The following KDM6A variants were observed in gnomAD, a reference collection of about 807,000 sequenced individuals.
KDM6A encodes lysine-specific demethylase 6A.
KDM6A carries 11 observed loss-of-function variants against 117.6 expected under a neutral mutation model. The observed-to-expected ratio is 0.09, with a 90% CI of 0.06 to 0.15. The LOEUF (loss-of-function observed/expected upper bound fraction) is 0.15. Among genes scored for constraint, KDM6A ranks in the 10% least tolerant of loss-of-function variants. KDM6A has a pLI of 1.00. For missense variants in KDM6A, 799 were observed against 1,077.3 expected (o/e 0.74, Z 3.62); for synonymous variants, 384 against 396.1 (o/e 0.97, Z 0.36).
chrX:45,034,563 T>C (rs2147773977), intron 6 of KDM6A, among the ~76,000 whole-genome samples: 1 of 111,793 alleles, frequency 8.9e-6, no homozygotes, highest in South Asian at 3.7e-4. Context: ...ACCATTAGAC[T>C]TCTACTTGGA....
intron 2 of KDM6A, among the ~76,000 whole-genome samples, chrX:44,875,475 G>T (rs769285439): frequency 1.2e-3 from 128 of 110,889 alleles, no homozygotes; most frequent in Non-Finnish European, 2.1e-3. Flanking sequence ...GTATTAATTG[G>T]CTTCATTACA....
intron 4 of KDM6A, 91 bp downstream of exon 4, chrX:44,974,806 T>TG (rs1162883575): frequency 4.6e-6 from 3 of 657,243 alleles, no homozygotes; most frequent in African/African-American, 4.3e-5. Flanking sequence ...CTTGCTTTTT[T>TG]TTGTTAATTA....
rs147892759 is a variant in KDM6A at position 45,106,220 on chromosome X, A to G, written c.4035-1190A>G. On this transcript the variant is annotated intron_variant, in intron 27 of 29. Transcript: ENST00000611820. ...ACAACTATAAAATTGATATTGTTTT[A>G]TATTTGTTAAGTAAGCTAACAGGTT... Among the ~76,000 whole-genome samples, 661 of 111,904 alleles carry G rather than the reference A, an allele frequency of 5.9e-3. 5 individuals carry two copies. The highest frequency in any genetic ancestry group is 0.02 in the African/African-American group (621 of 30,776).
chrX:44,979,850 G>T (rs749060415), intron 4 of KDM6A, among the ~76,000 whole-genome samples: 1 of 109,992 alleles, frequency 9.1e-6, no homozygotes, highest in Non-Finnish European at 1.9e-5. Flanking sequence ...AAATATCAAC[G>T]TACAATTTAG....
intron 2 of KDM6A, among the ~76,000 whole-genome samples, chrX:44,913,279 T>C (rs2035326671): frequency 9.6e-6 from 1 of 103,869 alleles, no homozygotes; most frequent in African/African-American, 3.5e-5. Flanking sequence ...ATAATACATA[T>C]ACCAAATATG....
At chrX:44,880,172 C>CA (rs59578181) in intron 2 of KDM6A, among the ~76,000 whole-genome samples, 12,632 of 57,570 alleles carry the variant, frequency 0.22, 1,828 homozygotes, top group African/African-American at 0.47. Context: ...GACTTCATCT[C>CA]AAAAAAAAAA....
intron 3 of KDM6A, among the ~76,000 whole-genome samples, chrX:44,966,898 C>G (rs1281217802): frequency 1.1e-5 from 1 of 88,756 alleles, no homozygotes; most frequent in Non-Finnish European, 2.1e-5. Flanking sequence ...GAGACAGAGT[C>G]TCGCTCTGTC....
At chrX:44,888,368 T>G (rs2033073106) in intron 2 of KDM6A, among the ~76,000 whole-genome samples, 1 of 112,293 alleles carries the variant, frequency 8.9e-6, no homozygotes, top group Non-Finnish European at 1.9e-5. Flanking sequence ...ATCACTTAAT[T>G]TTTATGTTTC....
chrX:44,904,956 C>T (rs1389647637), intron 2 of KDM6A, among the ~76,000 whole-genome samples: 2 of 112,016 alleles, frequency 1.8e-5, no homozygotes, highest in Non-Finnish European at 3.8e-5. Context: ...ACTATTTGCT[C>T]GTTTTCTCAT....
At chrX:44,974,561 C>G in intron 3 of KDM6A, 105 bp from the exon 4 acceptor site, 1 of 573,158 alleles carries the variant, frequency 1.7e-6, no homozygotes, top group Admixed American at 2.4e-5. Context: ...ATATCACTAT[C>G]TACTGGGAGG....
intron 6 of KDM6A, 150 bp downstream of exon 6, chrX:45,020,880 T>G (rs1165149664): frequency 8.5e-6 from 5 of 590,997 alleles, no homozygotes; most frequent in African/African-American, 4.5e-5. Context: ...GAACTGTTTA[T>G]CAACTGTGAA....
chrX:44,907,751 ATTT>A (rs67971573), intron 2 of KDM6A, among the ~76,000 whole-genome samples: 305 of 70,525 alleles, frequency 4.3e-3, no homozygotes, highest in African/African-American at 0.015. Context: ...TCTGGCCTCC[ATTT>A]TTTTTTTTTT....
intron 6 of KDM6A, among the ~76,000 whole-genome samples, chrX:45,023,557 TTC>T (rs1414113314): frequency 3.6e-5 from 4 of 111,826 alleles, no homozygotes; most frequent in Non-Finnish European, 5.6e-5. Flanking sequence ...ACTCTTGATT[TTC>T]TCTGTGTCTG....
chrX:44,936,385 A>C (rs992449023), intron 2 of KDM6A, among the ~76,000 whole-genome samples: 1 of 111,488 alleles, frequency 9.0e-6, no homozygotes. Context: ...ATCACCCCCA[A>C]ATAGGAACCA....
intron 3 of KDM6A, among the ~76,000 whole-genome samples, chrX:44,971,954 C>T (rs1186511360): frequency 9.2e-6 from 1 of 109,114 alleles, no homozygotes; most frequent in South Asian, 4.0e-4. Flanking sequence ...GAAGGGTGAA[C>T]GGCACAGAGA....
At chrX:45,101,159 G>A (rs2148256514) in intron 27 of KDM6A, among the ~76,000 whole-genome samples, 1 of 111,466 alleles carries the variant, frequency 9.0e-6, no homozygotes. Context: ...GATATTACAG[G>A]AAGGGCAGCA....
chrX:44,938,557 A>T (rs1464669602), intron 2 of KDM6A, among the ~76,000 whole-genome samples: 1 of 112,496 alleles, frequency 8.9e-6, no homozygotes, highest in Non-Finnish European at 1.9e-5. Flanking sequence ...GTGCAAGGTG[A>T]GGTAGCAAGT....
At chrX:45,102,182 C>T (rs2077260120) in intron 27 of KDM6A, among the ~76,000 whole-genome samples, 1 of 112,141 alleles carries the variant, frequency 8.9e-6, no homozygotes. Flanking sequence ...CTGGTTCTCT[C>T]ACTTGCTGAT....
intron 4 of KDM6A, among the ~76,000 whole-genome samples, chrX:44,997,701 C>G (rs181981455): frequency 4.4e-4 from 49 of 111,835 alleles, no homozygotes; most frequent in Admixed American, 2.1e-3. Context: ...CCCTTCCCAG[C>G]AGTCCCGTAT....
Sources: gnomAD v4.1 joint callset for allele counts (sites outside exome capture counted in the v4.1 genomes callset) on GRCh38, gnomAD v4.1.1 for gene constraint, MANE v1.5 for transcripts, NCBI Gene and HGNC (gene_info 2026-07-23, HGNC 2026-07-21) for gene names.